The following PRRC2C variants were observed in gnomAD, a reference collection of about 807,000 sequenced individuals.
PRRC2C encodes the protein proline rich coiled-coil 2C.
In PRRC2C, 72 loss-of-function variants were observed where a neutral mutation model predicts 317.2. The observed-to-expected ratio is 0.23, with a 90% CI of 0.19 to 0.28. The LOEUF (loss-of-function observed/expected upper bound fraction) is 0.28, where lower values mean the gene tolerates loss of function less well. PRRC2C is among the 10% of genes least tolerant of loss of function. The pLI is 1.00. For missense variants in PRRC2C, 3,074 were observed against 3,459.7 expected (o/e 0.89, Z 2.80); for synonymous variants, 1,296 against 1,205.9 (o/e 1.07, Z -1.55).
rs1682586734 is a variant in PRRC2C at position 171,561,052 on chromosome 1, C to G, written c.6066C>G (p.Val2022=). The change falls in exon 20 of 35, where the codon GTC becomes GTG. Residue 2022 remains valine (V), a synonymous_variant. Transcript: ENST00000647382. ...TTAGTCCACCACAGCCACCTTCAGT[C>G]AGTGCATGGAATAAGCCCTTAACAT... is the stretch of plus-strand genomic sequence containing the variant. ...GPISPPQPPS[V]SAWNKPLTSF... The G allele has an allele frequency of 6.2e-7, 1 of 1,608,406 alleles. No homozygotes were observed. Among genetic ancestry groups the G allele is most frequent in the East Asian group, 2.2e-5 (1 of 44,870 alleles).
chr1:171,534,989 C>T (rs1405072670), intron 12 of PRRC2C, among the ~76,000 whole-genome samples: 1 of 151,994 alleles, frequency 6.6e-6, no homozygotes, highest in Non-Finnish European at 1.5e-5. Context: ...GATAATAGTC[C>T]CTTTACCCAA....
chr1:171,535,257 T>A (rs1676605944), intron 12 of PRRC2C, among the ~76,000 whole-genome samples, 171 bp from the exon 13 acceptor site: 1 of 152,226 alleles, frequency 6.6e-6, no homozygotes, highest in Admixed American at 6.5e-5. Context: ...TTTGATAATC[T>A]AATGTTACCT....
At chr1:171,502,098 C>T (rs1461642416) in intron 1 of PRRC2C, among the ~76,000 whole-genome samples, 3 of 152,194 alleles carry the variant, frequency 2.0e-5, no homozygotes, top group African/African-American at 7.2e-5. Flanking sequence ...TTTTTTGTGG[C>T]ATTTAGAATA....
intron 1 of PRRC2C, chr1:171,511,180 C>G (rs904266003): frequency 7.2e-6 from 1 of 138,138 alleles, no homozygotes; most frequent in Non-Finnish European, 1.6e-5. Flanking sequence ...TACCCTACTG[C>G]TACAATAACC....
At chr1:171,550,803 T>A (rs1680083255) in intron 18 of PRRC2C, among the ~76,000 whole-genome samples, 1 of 152,190 alleles carries the variant, frequency 6.6e-6, no homozygotes, top group Admixed American at 6.5e-5. Context: ...GAACTCATCC[T>A]TTTTTATGGC....
intron 32 of PRRC2C, 64 bp downstream of exon 32, chr1:171,587,815 T>C (rs981599587): frequency 2.7e-6 from 3 of 1,103,230 alleles, no homozygotes; most frequent in Admixed American, 3.8e-5. Flanking sequence ...TAAATACTTA[T>C]CAGTCCTGTG....
In PRRC2C at chr1:171,577,869, C is replaced by CCAGGTTCAAGTGATCCTCT. The variant is rs1394462451; in HGVS notation, c.7159+235_7159+253dup. On this transcript the variant is annotated intron_variant, in intron 26 of 34. Coordinates refer to ENST00000647382, the MANE Select transcript of PRRC2C (RefSeq NM_001387844.1). ...CTTGGCTTACTGCCACCTCCACCTC[C>CCAGGTTCAAGTGATCCTCT]CAGGTTCAAGTGATCCTCTCACCTC... Among the ~76,000 whole-genome samples the CCAGGTTCAAGTGATCCTCT allele has an allele frequency of 2.8e-4, 42 of 150,296 alleles. 1 individual carries two copies. The highest frequency in any genetic ancestry group is 4.9e-4 in the Non-Finnish European group (33 of 67,636).
chr1:171,584,079 C>T lies in PRRC2C; in HGVS notation c.7533C>T (p.Ala2511=). 1 of 1,613,946 alleles carries T rather than the reference C, an allele frequency of 6.2e-7. No individual in the cohort carries two copies. The highest frequency in any genetic ancestry group is 8.5e-7 in the Non-Finnish European group (1 of 1,179,848). ...TTGCCAAGGCACAATCCGGTCTTGCCTTTCAGCAAACATCAAATACTCAGC... is the reference window on the plus strand; with the variant it reads ...TTGCCAAGGCACAATCCGGTCTTGCTTTTCAGCAAACATCAAATACTCAGC... ...QELAKAQSGL[A]FQQTSNTQPI... is the part of the protein sequence containing the mutation. The change falls in exon 29 of 35, where the codon GCC becomes GCT. Residue 2511 remains alanine, a synonymous_variant. Transcript: ENST00000647382.
chr1:171,522,254 A>G lies in PRRC2C; in HGVS notation c.828A>G (p.Thr276=), dbSNP rs780177628. 4 of 1,567,344 alleles carry G rather than the reference A, an allele frequency of 2.6e-6. No homozygotes were observed. The East Asian group carries it at 9.0e-5, about 35-fold the overall frequency. The change falls in exon 7 of 35, where the codon ACA becomes ACG. Residue 276 remains threonine, a synonymous_variant. Transcript: ENST00000647382. ...PMRFPPSLSE[T]NKGLRGRGPP... is the part of the protein sequence containing the mutation. The stretch of plus-strand genomic sequence containing the variant: ...GATTCCCACCTTCTTTATCTGAAAC[A>G]AACAAGTAAGGCTATTAAATGATTA...
intron 12 of PRRC2C, among the ~76,000 whole-genome samples, chr1:171,533,989 G>A (rs1289105619): frequency 1.5e-4 from 23 of 152,150 alleles, no homozygotes; most frequent in Non-Finnish European, 1.5e-5. Context: ...TGTATTTTCT[G>A]ATGTGGAAAT....
chr1:171,516,657 T>C (rs1315411104), intron 5 of PRRC2C, among the ~76,000 whole-genome samples: 1 of 152,230 alleles, frequency 6.6e-6, no homozygotes, highest in African/African-American at 2.4e-5. Flanking sequence ...ACTATACTTA[T>C]GATATCCCAC....
chr1:171,566,562 C>T lies in PRRC2C; in HGVS notation c.6307-30C>T, dbSNP rs896281881. 3.3e-6 allele frequency: 5 copies of T among 1,528,372 alleles called. No individual in the cohort carries two copies. In the African/African-American group the frequency reaches 5.6e-5, roughly 17 times the overall value. 94.7% of individuals were successfully genotyped at this position (1,528,372 alleles called of 1,614,324 possible). A position where few individuals can be genotyped will look rare whatever the true frequency, so the allele number is the denominator to read the frequency against. On this transcript the variant is annotated intron_variant, in intron 21 of 34. Coordinates refer to ENST00000647382, the MANE Select transcript of PRRC2C (RefSeq NM_001387844.1). ...ATGAAAGATACTCATCTATCATAAA[C>T]ATAGTTTTATCATAAACATTTGACT...
chr1:171,497,450 A>G (rs1007806956), intron 1 of PRRC2C, among the ~76,000 whole-genome samples: 3 of 151,980 alleles, frequency 2.0e-5, no homozygotes, highest in Non-Finnish European at 4.4e-5. Flanking sequence ...CTTAGTCCTA[A>G]TCTGGTTTTT....
At chr1:171,493,161 G>A (rs146948236) in intron 1 of PRRC2C, among the ~76,000 whole-genome samples, 119 of 152,174 alleles carry the variant, frequency 7.8e-4, no homozygotes, top group Admixed American at 1.1e-3. Flanking sequence ...CCAATGATAC[G>A]GAGGGATGTT....
chr1:171,563,026 G>T (rs1682988761), intron 20 of PRRC2C, among the ~76,000 whole-genome samples: 1 of 152,168 alleles, frequency 6.6e-6, no homozygotes, highest in South Asian at 2.1e-4. Context: ...ATGGCTGCTG[G>T]TAGGTCAAGT....
intron 16 of PRRC2C, among the ~76,000 whole-genome samples, chr1:171,544,628 G>A (rs1243046557): frequency 1.3e-5 from 2 of 152,170 alleles, no homozygotes; most frequent in Non-Finnish European, 2.9e-5. Context: ...GGAAAATTTT[G>A]ATAAGATTTT....
Position 171,537,391 on chromosome 1 carries a change from C to T in PRRC2C, c.2422C>T (p.Leu808=). ...AATTTCCCTTTCTGAGCCTCGTATG[C>T]TGTGGGGGTCAGATCCCTATCCTCA... ...HAISLSEPRM[L]WGSDPYPHAE... The change falls in exon 15 of 35, where the codon CTG becomes TTG. Residue 808 remains leucine, a synonymous_variant. Coordinates refer to ENST00000647382, the MANE Select transcript of PRRC2C (RefSeq NM_001387844.1). The T allele has an allele frequency of 6.3e-7, 1 of 1,588,148 alleles. No individual in the cohort carries two copies. The highest frequency in any genetic ancestry group is 8.6e-7 in the Non-Finnish European group (1 of 1,166,494).
At position 171,591,701 on chromosome 1, in the gene PRRC2C, C is replaced by T. The variant is rs371627893; in HGVS notation, c.8551C>T (p.Pro2851Ser). 114 of 1,613,728 alleles carry T rather than the reference C, an allele frequency of 7.1e-5. No homozygotes were observed. Among genetic ancestry groups the T allele is most frequent in the Non-Finnish European group, 9.2e-5 (109 of 1,179,862 alleles). ...GAAAGTGGACAGTGATTCAAGTAAA[C>T]CTCCTGAAACACTGACCGACCCTCC... is the stretch of plus-strand genomic sequence containing the variant. ...AQKVDSDSSK[P>S]PETLTDPPGV... Residue 2851 changes from proline (P) to serine (S), a missense_variant, in exon 35 of 35, where the codon CCT (proline) becomes TCT (serine). Transcript: ENST00000647382.
chr1:171,591,555 G>C (rs771436655), intron 34 of PRRC2C, 32 bp from the exon 35 acceptor site: 1 of 1,601,442 alleles, frequency 6.2e-7, no homozygotes. Context: ...TAATGCTGCA[G>C]TATTTTCAGT....
Sources: gnomAD v4.1 joint callset for allele counts (sites outside exome capture counted in the v4.1 genomes callset) on GRCh38, gnomAD v4.1.1 for gene constraint, MANE v1.5 for transcripts, NCBI Gene and HGNC (gene_info 2026-07-23, HGNC 2026-07-21) for gene names.